KCNH1: variants seen among roughly 807,000 people sequenced by gnomAD.
KCNH1 encodes the protein potassium voltage-gated channel subfamily H member 1.
KCNH1 carries 27 observed loss-of-function variants against 69.2 expected under a neutral mutation model. The observed-to-expected ratio is 0.39, with a 90% CI of 0.29 to 0.54. KCNH1 has a LOEUF of 0.54. Among genes scored for constraint, KCNH1 ranks in the 20% least tolerant of loss-of-function variants. KCNH1 has a pLI of 0.68. For synonymous variants in KCNH1, 456 were observed against 487.7 expected, an observed-to-expected ratio of 0.93 and a Z score of 0.86; for missense variants, 798 against 1,261.6, an observed-to-expected ratio of 0.63 and a Z score of 5.57.
chr1:210,859,013 G>T, intron 7 of KCNH1: 3 of 524,238 alleles, frequency 5.7e-6, no homozygotes, highest in Middle Eastern at 5.3e-4. Flanking sequence ...CAGGTTGCAT[G>T]ATCAGGTCCC....
In KCNH1 at chr1:210,866,284, A is replaced by C. The variant is rs538655387; in HGVS notation, c.1462+53356T>G. Among the ~76,000 whole-genome samples the C allele has an allele frequency of 7.3e-4, 111 of 152,282 alleles. 1 individual carries two copies. The highest frequency in any genetic ancestry group is 2.6e-3 in the African/African-American group (106 of 41,564). On this transcript the variant is annotated intron_variant, in intron 7 of 10. Coordinates refer to ENST00000271751, the MANE Select transcript of KCNH1 (RefSeq NM_172362.3). Reference sequence around the variant, plus strand: ...GAAAAAATGGACTATATGAAAACCTAAACTTTTGTACTGCAAAAGATACCA... The same window carrying C: ...GAAAAAATGGACTATATGAAAACCTCAACTTTTGTACTGCAAAAGATACCA...
rs774300957 is a variant in KCNH1, at chr1:210,679,594, T to G, written c.*3687A>C. ...CCCACAAGGGCCTGGACAAAGAGCTTGACAGTTGGCATAATACTTCTACCT... is the reference window on the plus strand; with the variant it reads ...CCCACAAGGGCCTGGACAAAGAGCTGGACAGTTGGCATAATACTTCTACCT... On this transcript the variant is annotated 3_prime_UTR_variant, in exon 11 of 11. Coordinates refer to ENST00000271751, the MANE Select transcript of KCNH1 (RefSeq NM_172362.3). 1 of 152,180 alleles carries G rather than the reference T, an allele frequency of 6.6e-6. No individual in the cohort carries two copies. The highest frequency in any genetic ancestry group is 1.5e-5 in the Non-Finnish European group (1 of 68,062). The allele number at this position is 152,180 out of a possible 1,614,324, so 9.4% of individuals were successfully genotyped here. A position where few individuals can be genotyped will look rare whatever the true frequency, so the allele number is the denominator to read the frequency against.
At chr1:211,110,138 A>G (rs775027311) in intron 1 of KCNH1, among the ~76,000 whole-genome samples, 5 of 152,148 alleles carry the variant, frequency 3.3e-5, no homozygotes, top group Non-Finnish European at 7.4e-5. Flanking sequence ...TTAAAATTAA[A>G]ACAATAAAAT....
intron 10 of KCNH1, among the ~76,000 whole-genome samples, chr1:210,770,361 TTAAAA>T (rs1191835639): frequency 6.6e-6 from 1 of 152,148 alleles, no homozygotes. Context: ...ATCCCAGAAC[TTAAAA>T]TAAATAAACA....
chr1:211,124,559 G>T (rs1297153284), intron 1 of KCNH1, among the ~76,000 whole-genome samples: 1 of 152,100 alleles, frequency 6.6e-6, no homozygotes, highest in Non-Finnish European at 1.5e-5. Flanking sequence ...CAGGGAAATC[G>T]CAAGCCGAGA....
intron 6 of KCNH1, among the ~76,000 whole-genome samples, chr1:210,924,902 CAA>C (rs77435503): frequency 2.3e-4 from 31 of 132,870 alleles, no homozygotes; most frequent in Admixed American, 2.3e-4. Flanking sequence ...TTGACTATAG[CAA>C]AAAAAAAAAA....
intron 1 of KCNH1, among the ~76,000 whole-genome samples, chr1:211,110,452 A>G (rs2102488620): frequency 6.6e-6 from 1 of 152,286 alleles, no homozygotes; most frequent in Middle Eastern, 3.4e-3. Context: ...CATTATCAAT[A>G]AAGGTATGGC....
intron 7 of KCNH1, among the ~76,000 whole-genome samples, chr1:210,837,722 T>C (rs1467127458): frequency 6.6e-6 from 1 of 152,162 alleles, no homozygotes; most frequent in Non-Finnish European, 1.5e-5. Flanking sequence ...AATTATAGGC[T>C]ATACGATTTA....
At position 210,678,651 on chromosome 1, in the gene KCNH1, A is replaced by G. The variant is rs1681193327; in HGVS notation, c.*4630T>C. On this transcript the variant is annotated 3_prime_UTR_variant, in exon 11 of 11. Transcript: ENST00000271751. ...GAAGCCCCAGAATGATGAACTGCTC[A>G]TAAGTAGAAGTGTCCTTGAGGTGTC... The G allele has an allele frequency of 1.3e-5, 2 of 152,244 alleles. No homozygotes were observed. The highest frequency in any genetic ancestry group is 1.3e-4 in the Admixed American group (2 of 15,286). 9.4% of individuals were successfully genotyped at this position (152,244 alleles called of 1,614,324 possible). A position where few individuals can be genotyped will look rare whatever the true frequency, so the allele number is the denominator to read the frequency against.
intron 10 of KCNH1, among the ~76,000 whole-genome samples, chr1:210,747,930 T>A (rs1189162460): frequency 1.3e-5 from 2 of 152,114 alleles, no homozygotes; most frequent in East Asian, 3.8e-4. Flanking sequence ...ATGAGATCCT[T>A]TGACAGGGAA....
intron 5 of KCNH1, among the ~76,000 whole-genome samples, chr1:211,066,783 A>G (rs913565541): frequency 5.9e-5 from 9 of 152,200 alleles, no homozygotes; most frequent in Admixed American, 5.9e-4. Context: ...TGTAACCTTT[A>G]ATGCTGTTTC....
At chr1:210,980,460 A>G (rs1418711641) in intron 6 of KCNH1, among the ~76,000 whole-genome samples, 2 of 152,206 alleles carry the variant, frequency 1.3e-5, no homozygotes, top group Non-Finnish European at 2.9e-5. Flanking sequence ...CCTCCAATGC[A>G]CTAACAGGAA....
At chr1:210,688,217 C>T (rs1254987363) in intron 10 of KCNH1, among the ~76,000 whole-genome samples, 1 of 152,188 alleles carries the variant, frequency 6.6e-6, no homozygotes, top group Non-Finnish European at 1.5e-5. Flanking sequence ...CTGGAAAACA[C>T]TAAAATTATA....
intron 10 of KCNH1, among the ~76,000 whole-genome samples, chr1:210,766,596 T>C (rs2102358624): frequency 6.6e-6 from 1 of 152,250 alleles, no homozygotes; most frequent in Admixed American, 6.5e-5. Flanking sequence ...GACAAGGGGC[T>C]TCATCTAGAC....
intron 1 of KCNH1, among the ~76,000 whole-genome samples, chr1:211,109,897 G>GA (rs918393291): frequency 1.4e-4 from 21 of 147,288 alleles, no homozygotes; most frequent in East Asian, 8.0e-4. Context: ...ATGCTATGAG[G>GA]AAAAAAAAAT....
intron 6 of KCNH1, among the ~76,000 whole-genome samples, chr1:210,945,681 C>T (rs1342487537): frequency 6.6e-6 from 1 of 152,204 alleles, no homozygotes; most frequent in Non-Finnish European, 1.5e-5. Context: ...AACTCAGTCA[C>T]TCCCACGTAG....
chr1:211,125,974 T>C (rs1459135823), intron 1 of KCNH1, among the ~76,000 whole-genome samples: 1 of 152,232 alleles, frequency 6.6e-6, no homozygotes, highest in Non-Finnish European at 1.5e-5. Flanking sequence ...GAATTTTAAG[T>C]AGTTTTGTCA....
chr1:211,083,995 T>C (rs945506368), intron 4 of KCNH1, among the ~76,000 whole-genome samples: 3 of 150,938 alleles, frequency 2.0e-5, no homozygotes, highest in Non-Finnish European at 3.0e-5. Context: ...ATCAGCTCTT[T>C]TTTATCTCAT....
intron 7 of KCNH1, among the ~76,000 whole-genome samples, chr1:210,881,484 C>G (rs575411860): frequency 8.5e-5 from 13 of 152,296 alleles, no homozygotes; most frequent in African/African-American, 3.1e-4. Flanking sequence ...TAAACATACT[C>G]TTACTATACA....
Sources: allele counts gnomAD v4.1 joint callset (sites outside exome capture counted in the v4.1 genomes callset), GRCh38; gene constraint gnomAD v4.1.1; transcripts MANE v1.5; gene names NCBI Gene and HGNC (gene_info 2026-07-23, HGNC 2026-07-21).